The following DNHD1 variants were observed in gnomAD, a reference collection of about 807,000 sequenced individuals.
The protein encoded by DNHD1 is dynein heavy chain domain-containing protein 1.
Under a neutral mutation model 458.1 loss-of-function variants are expected in DNHD1, and 383 were observed. The ratio of observed to expected loss-of-function variants is 0.84; its 90% CI spans 0.77 to 0.91. The LOEUF (loss-of-function observed/expected upper bound fraction) is 0.91. DNHD1 is among the 40% of genes least tolerant of loss of function. DNHD1 has a pLI of 0.00. For missense variants in DNHD1, 5,336 were observed against 5,866.1 expected, an observed-to-expected ratio of 0.91 and a Z score of 2.95; for synonymous variants, 2,203 against 2,376.9, an observed-to-expected ratio of 0.93 and a Z score of 2.13.
In DNHD1 at chr11:6,497,960, G is replaced by A; in HGVS notation, c.-256G>A. The A allele has an allele frequency of 3.7e-6, 2 of 540,566 alleles. No homozygotes were observed. The highest frequency in any genetic ancestry group is 3.3e-6 in the Non-Finnish European group (1 of 301,648). The allele number at this position is 540,566 out of a possible 1,614,324, so 33.5% of individuals were successfully genotyped here. On this transcript the variant is annotated 5_prime_UTR_variant, in exon 3 of 43. Transcript: ENST00000254579. ...TTTGGGGAAGCAGTAGGGAGGGCCT[G>A]AGGGTCTCAGGAAAGGCTCTCTGCT...
chr11:6,537,564 A>G (rs1852981427), intron 14 of DNHD1, among the ~76,000 whole-genome samples: 1 of 151,912 alleles, frequency 6.6e-6, no homozygotes. Context: ...AATAGAACAG[A>G]GTAAGAGGGG....
Position 6,546,570 on chromosome 11 carries a change from C to CA in DNHD1, c.5633dup (p.Gln1879AlafsTer29). ...CCCTGCCCTGCCGCCTGCCACTGCTCAAGCAGATACTGGAAGACACAATAC... is the reference window on the plus strand; with the variant it reads ...CCCTGCCCTGCCGCCTGCCACTGCTCAAAGCAGATACTGGAAGACACAATAC... On this transcript the variant is annotated frameshift_variant, in exon 21 of 43. Coordinates refer to ENST00000254579, the MANE Select transcript of DNHD1 (RefSeq NM_144666.3). LOFTEE classifies it high-confidence loss of function. The CA allele has an allele frequency of 1.3e-6, 2 of 1,551,778 alleles. No homozygotes were observed. Among genetic ancestry groups the CA allele is most frequent in the Non-Finnish European group, 1.7e-6 (2 of 1,147,004 alleles).
rs1406250053 is a variant in DNHD1, at chr11:6,546,542, G to A, written c.5603G>A (p.Gly1868Glu). The change falls in exon 21 of 43, where the codon GGG (glycine) becomes GAG (glutamate). Residue 1868 changes from glycine (G) to glutamate (E), a missense_variant. By Grantham distance (98) the Gly-to-Glu change is moderately conservative. This residue lies in a region of DNHD1 where 3,932 missense variants were observed against 4,365.6 expected (regional missense o/e 0.90). Coordinates refer to ENST00000254579, the MANE Select transcript of DNHD1 (RefSeq NM_144666.3). Reference protein sequence around the residue: ...FFSLERELVSGPLPCRLPLLK... With the variant: ...FFSLERELVSEPLPCRLPLLK... ...TCTCTAGAGCGTGAGCTGGTGTCTGGGCCCCTGCCCTGCCGCCTGCCACTG... is the reference window on the plus strand; with the variant it reads ...TCTCTAGAGCGTGAGCTGGTGTCTGAGCCCCTGCCCTGCCGCCTGCCACTG... 1.9e-6 allele frequency: 3 copies of A among 1,551,256 alleles called. No homozygotes were observed. The highest frequency in any genetic ancestry group is 2.0e-5 in the Admixed American group (1 of 50,984).
rs188782774 is a variant in DNHD1, at chr11:6,512,652, C to G, written c.1392+1223C>G. 2.6e-3 allele frequency among the ~76,000 whole-genome samples: 400 copies of G among 152,206 alleles called. 2 individuals carry two copies. The highest frequency in any genetic ancestry group is 9.0e-3 in the African/African-American group (372 of 41,528). On this transcript the variant is annotated intron_variant, in intron 7 of 42. Coordinates refer to ENST00000254579, the MANE Select transcript of DNHD1 (RefSeq NM_144666.3). The stretch of plus-strand genomic sequence containing the variant: ...AATTTTAAATAGTCAAATTCCTTCC[C>G]CTTCTAAGAATTACCTGTCCTCTTT...
chr11:6,502,755 C>G lies in DNHD1; in HGVS notation c.749C>G (p.Ser250Cys). 3 of 1,588,702 alleles carry G rather than the reference C, an allele frequency of 1.9e-6. No individual in the cohort carries two copies. Among genetic ancestry groups the G allele is most frequent in the Non-Finnish European group, 2.6e-6 (3 of 1,168,978 alleles). Residue 250 changes from serine (S) to cysteine (C), a missense_variant and splice_region_variant, in exon 4 of 43, where the codon TCT becomes TGT. By Grantham distance (112) the Ser-to-Cys change is moderately radical. This residue lies in a region of DNHD1 where 3,932 missense variants were observed against 4,365.6 expected (regional missense o/e 0.90). Coordinates refer to ENST00000254579, the MANE Select transcript of DNHD1 (RefSeq NM_144666.3). The part of the protein sequence containing the change: ...VEPVGRKETR[S>C]QLDYEVPREK... ...TCTCCTGATTTTCTGTCACACAGGTCTCAGCTTGACTATGAAGTTCCCAGG... is the reference window on the plus strand; with the variant it reads ...TCTCCTGATTTTCTGTCACACAGGTGTCAGCTTGACTATGAAGTTCCCAGG...
rs1853627786 is a variant in DNHD1 at position 6,563,562 on chromosome 11, C to T, written c.9850C>T (p.Gln3284Ter). ...GCTGTTATGCACTGAGGATTTTTATCAGGTAGGAAGGGTGGAGCACAATGA... is the reference window on the plus strand; with the variant it reads ...GCTGTTATGCACTGAGGATTTTTATTAGGTAGGAAGGGTGGAGCACAATGA... ...KQLLCTEDFY[Q>*]ELVFFPKEKI... The change falls in exon 30 of 43, where the codon CAG becomes TAG. Residue 3284 changes from glutamine to a stop codon, truncating the protein, a stop_gained and splice_region_variant. Transcript: ENST00000254579. LOFTEE classifies it high-confidence loss of function. 1 of 1,551,420 alleles carries T rather than the reference C, an allele frequency of 6.4e-7. No individual in the cohort carries two copies. The highest frequency in any genetic ancestry group is 2.4e-5 in the East Asian group (1 of 40,918).
Position 6,564,767 on chromosome 11 carries a change from G to C in DNHD1, c.10719G>C (p.Glu3573Asp). The C allele has an allele frequency of 1.3e-6, 2 of 1,539,530 alleles. No individual in the cohort carries two copies. The highest frequency in any genetic ancestry group is 1.8e-6 in the Non-Finnish European group (2 of 1,137,958). ...LIWLDPLPLE[E>D]NRSFAPALTE... The stretch of plus-strand genomic sequence containing the variant: ...GGTTGGACCCGCTGCCTCTGGAAGA[G>C]AATCGATCTTTTGCGCCAGCCCTCA... The change falls in exon 32 of 43, where the codon GAG becomes GAC. Residue 3573 changes from glutamate to aspartate, a missense_variant. Transcript: ENST00000254579.
Position 6,545,060 on chromosome 11 carries a change from G to A in DNHD1, c.4121G>A (p.Arg1374Gln), listed in dbSNP as rs751104573. ...DSELVALLAA[R>Q]LESCEAQLWV... ...GAGCTGGTAGCCCTGCTGGCTGCTC[G>A]ACTGGAATCATGCGAAGCCCAGCTA... The change falls in exon 21 of 43, where the codon CGA (arginine) becomes CAA (glutamine). Residue 1374 changes from arginine (R) to glutamine (Q), a missense_variant. By Grantham distance (43) the Arg-to-Gln change is conservative. This residue lies in a region of DNHD1 where 3,932 missense variants were observed against 4,365.6 expected (regional missense o/e 0.90). Coordinates refer to ENST00000254579, the MANE Select transcript of DNHD1 (RefSeq NM_144666.3). This position sits in a 1 kb window ranked among gnomAD's most constrained non-coding sequence, Gnocchi z 4.9. The A allele has an allele frequency of 2.3e-5, 36 of 1,551,842 alleles. No homozygotes were observed. Among genetic ancestry groups the A allele is most frequent in the Non-Finnish European group, 3.0e-5 (34 of 1,147,018 alleles).
chr11:6,571,519 A>G lies in DNHD1; in HGVS notation c.13911+96A>G. 2.1e-6 allele frequency: 3 copies of G among 1,462,398 alleles called. No individual in the cohort carries two copies. Among genetic ancestry groups the G allele is most frequent in the Non-Finnish European group, 2.7e-6 (3 of 1,097,324 alleles). 90.6% of individuals were successfully genotyped at this position (1,462,398 alleles called of 1,614,324 possible). ...CCTTCTTGGTGATCTTGCCCCCGGT[A>G]ACCCTGCTAGCTTCTCCGATCTCGC... On this transcript the variant is annotated intron_variant, in intron 42 of 42. Transcript: ENST00000254579. This position sits in a 1 kb window ranked among gnomAD's most constrained non-coding sequence, Gnocchi z 5.0.
chr11:6,548,089 G>A lies in DNHD1; in HGVS notation c.6905+49G>A. The A allele has an allele frequency of 1.9e-6, 3 of 1,549,960 alleles. No individual in the cohort carries two copies. The highest frequency in any genetic ancestry group is 2.6e-6 in the Non-Finnish European group (3 of 1,145,514). On this transcript the variant is annotated intron_variant, in intron 22 of 42. Transcript: ENST00000254579. The surrounding 1 kb of genome is among the most constrained non-coding windows in gnomAD (Gnocchi z 4.4). Reference sequence around the variant, plus strand: ...GAGATGCAGAGGGCTGAGATGGACTGGCCCATGGAAGTAAAAACCCACATG... The same window carrying A: ...GAGATGCAGAGGGCTGAGATGGACTAGCCCATGGAAGTAAAAACCCACATG...
Position 6,545,108 on chromosome 11 carries a change from A to G in DNHD1, c.4169A>G (p.His1390Arg), listed in dbSNP as rs1210575425. The G allele has an allele frequency of 1.3e-6, 2 of 1,552,052 alleles. No individual in the cohort carries two copies. Among genetic ancestry groups the G allele is most frequent in the East Asian group, 2.4e-5 (1 of 40,920 alleles). The change falls in exon 21 of 43, where the codon CAT becomes CGT. Residue 1390 changes from histidine (H) to arginine (R), a missense_variant. Around this residue, in one of 4 missense-constraint regions of DNHD1, gnomAD observed 3,932 missense variants for 4,365.6 expected, o/e 0.90. Coordinates refer to ENST00000254579, the MANE Select transcript of DNHD1 (RefSeq NM_144666.3). The surrounding 1 kb of genome is among the most constrained non-coding windows in gnomAD (Gnocchi z 4.9). ...AQLWVRRCFP[H>R]VHAVSFRSCP... ...CTATGGGTACGACGCTGCTTTCCTC[A>G]TGTGCATGCTGTGAGCTTCAGGTCT...
intron 7 of DNHD1, among the ~76,000 whole-genome samples, chr11:6,514,452 C>T (rs187132602): frequency 6.6e-6 from 1 of 150,606 alleles, no homozygotes; most frequent in East Asian, 2.0e-4. Flanking sequence ...CTTTTCCCTC[C>T]CTCTCTCTCT....
rs1589881241 is a variant in DNHD1, at chr11:6,538,515, T to C, written c.3126+5T>C. The C allele has an allele frequency of 6.4e-7, 1 of 1,551,796 alleles. No individual in the cohort carries two copies. The highest frequency in any genetic ancestry group is 2.4e-5 in the East Asian group (1 of 40,926). ...AAGTGCATGGCTTTTGCCAAGGTGC[T>C]GACACCCTTCCTTGGAGCTCTTGAC... On this transcript the variant is annotated splice_donor_5th_base_variant and intron_variant, in intron 15 of 42. Coordinates refer to ENST00000254579, the MANE Select transcript of DNHD1 (RefSeq NM_144666.3).
Position 6,570,641 on chromosome 11 carries a change from G to A in DNHD1, c.13129G>A (p.Ala4377Thr). ...LPELRELDAM[A>T]ECKAQMHLLP... Reference sequence around the variant, plus strand: ...AGAGCTAAGGGAGCTGGATGCAATGGCAGAGTGCAAGGCCCAGATGCACCT... The same window carrying A: ...AGAGCTAAGGGAGCTGGATGCAATGACAGAGTGCAAGGCCCAGATGCACCT... The change falls in exon 42 of 43, where the codon GCA becomes ACA. Residue 4377 changes from alanine to threonine, a missense_variant. This residue lies in a region of DNHD1 where 698 missense variants were observed against 664.9 expected (regional missense o/e 1.05). Coordinates refer to ENST00000254579, the MANE Select transcript of DNHD1 (RefSeq NM_144666.3). 3 of 1,609,664 alleles carry A rather than the reference G, an allele frequency of 1.9e-6. No homozygotes were observed. Among genetic ancestry groups the A allele is most frequent in the Non-Finnish European group, 8.5e-7 (1 of 1,177,782 alleles).
chr11:6,548,860 A>G lies in DNHD1; in HGVS notation c.7314A>G (p.Pro2438=). The change falls in exon 24 of 43, where the codon CCA becomes CCG. Residue 2438 remains proline (P), a synonymous_variant. Coordinates refer to ENST00000254579, the MANE Select transcript of DNHD1 (RefSeq NM_144666.3). This position sits in a 1 kb window ranked among gnomAD's most constrained non-coding sequence, Gnocchi z 4.4. The part of the protein sequence containing the change: ...RGIQGQTQAS[P]QPGHHQDSKP... ...TCCAGGGCCAAACACAAGCCAGCCCACAGCCTGGGCATCACCAGGATTCTA... is the reference window on the plus strand; with the variant it reads ...TCCAGGGCCAAACACAAGCCAGCCCGCAGCCTGGGCATCACCAGGATTCTA... The G allele has an allele frequency of 6.4e-7, 1 of 1,551,724 alleles. No individual in the cohort carries two copies. Among genetic ancestry groups the G allele is most frequent in the East Asian group, 2.4e-5 (1 of 40,918 alleles).
intron 13 of DNHD1, 136 bp from the exon 14 acceptor site, chr11:6,533,545 C>T (rs1852875989): frequency 6.1e-6 from 7 of 1,142,414 alleles, no homozygotes; most frequent in Middle Eastern, 2.9e-4. Flanking sequence ...AGAGATTGCC[C>T]CTGATTCCAG....
chr11:6,565,958 C>G lies in DNHD1; in HGVS notation c.11020C>G (p.Leu3674Val). 1.3e-6 allele frequency: 2 copies of G among 1,551,674 alleles called. No homozygotes were observed. Among genetic ancestry groups the G allele is most frequent in the Non-Finnish European group, 1.7e-6 (2 of 1,146,986 alleles). The change falls in exon 33 of 43, where the codon CTG (leucine) becomes GTG (valine). Residue 3674 changes from leucine (L) to valine (V), a missense_variant. By Grantham distance (32) the Leu-to-Val change is conservative. Coordinates refer to ENST00000254579, the MANE Select transcript of DNHD1 (RefSeq NM_144666.3). ...TGTTCTTTCAGGTGCTGACCCAGAG[C>G]TGGGTTCTCAGCTCCAGGAGGCAGC... Reference protein sequence around the residue: ...LSVLSGADPELGSQLQEAAAC... With the variant: ...LSVLSGADPEVGSQLQEAAAC...
rs747261972 is a variant in DNHD1 at position 6,534,034 on chromosome 11, G to A, written c.2859G>A (p.Ala953=). 85 of 1,551,464 alleles carry A rather than the reference G, an allele frequency of 5.5e-5. No individual in the cohort carries two copies. Among genetic ancestry groups the A allele is most frequent in the Admixed American group, 4.1e-4 (21 of 50,960 alleles). Residue 953 remains alanine, a synonymous_variant, in exon 14 of 43, where the codon GCG becomes GCA. Coordinates refer to ENST00000254579, the MANE Select transcript of DNHD1 (RefSeq NM_144666.3). ...AALAELEGLL[A]KALSGPFMDP... is the part of the protein sequence containing the mutation. ...TGGCAGAGCTGGAAGGCCTGCTTGC[G>A]AAGGCCCTCTCCGGTCCCTTTATGG...
intron 3 of DNHD1, among the ~76,000 whole-genome samples, chr11:6,502,072 T>C (rs1852147803): frequency 6.6e-6 from 1 of 152,150 alleles, no homozygotes; most frequent in African/African-American, 2.4e-5. Flanking sequence ...TGCTCTCAGG[T>C]CTCCCCAACT....
Sources: gnomAD v4.1 joint callset for allele counts (sites outside exome capture counted in the v4.1 genomes callset) on GRCh38, gnomAD v4.1.1 for gene constraint, gnomAD v4.1.1 regional missense constraint, Gnocchi (gnomAD v3.1) non-coding constraint, MANE v1.5 for transcripts, NCBI Gene and HGNC (gene_info 2026-07-23, HGNC 2026-07-21) for gene names.